ZNF462: variants seen among roughly 807,000 people sequenced by gnomAD.
ZNF462 encodes zinc finger PBX1-interacting protein.
ZNF462 carries 10 observed loss-of-function variants against 201.9 expected under a neutral mutation model. The ratio of observed to expected loss-of-function variants is 0.05; its 90% confidence interval spans 0.03 to 0.08. The LOEUF is 0.08. Among genes scored for constraint, ZNF462 ranks in the 10% least tolerant of loss-of-function variants. The pLI is 1.00. For missense variants in ZNF462, 2,523 were observed against 3,168.3 expected, an observed-to-expected ratio of 0.80 and a Z score of 4.89; for synonymous variants, 1,227 against 1,193.3, an observed-to-expected ratio of 1.03 and a Z score of -0.58.
chr9:106,947,297 A>G (rs1831153370), intron 7 of ZNF462, among the ~76,000 whole-genome samples: 1 of 152,198 alleles, frequency 6.6e-6, no homozygotes, highest in Non-Finnish European at 1.5e-5. Flanking sequence ...TAGGTTCTTC[A>G]GCTTCCATGG....
At chr9:107,000,317 G>A (rs1829091540) in intron 10 of ZNF462, among the ~76,000 whole-genome samples, 2 of 151,774 alleles carry the variant, frequency 1.3e-5, no homozygotes, top group East Asian at 3.9e-4. Context: ...AGCAGAGACT[G>A]ACATGAAGAG....
At chr9:106,899,193 GGAGAGAGAGA>G (rs143076514) in intron 1 of ZNF462, among the ~76,000 whole-genome samples, 7 of 134,914 alleles carry the variant, frequency 5.2e-5, no homozygotes, top group Non-Finnish European at 7.9e-5. Context: ...AGAGGGACAT[GGAGAGAGAGA>G]GAGAGAGAGA....
intron 10 of ZNF462, among the ~76,000 whole-genome samples, chr9:106,991,587 G>T (rs1248173811): frequency 6.6e-6 from 1 of 151,868 alleles, no homozygotes; most frequent in Admixed American, 6.6e-5. Context: ...GAATATCCTA[G>T]TGTGGAGAAA....
rs1456723564 is a variant in ZNF462 at position 106,902,495 on chromosome 9, T to G, written c.-30-20859T>G. ...TCTTGTGGAATAGTGTCAAAAGGAC[T>G]GGTACAAATTCTTTTTTGAATGTCT... On this transcript the variant is annotated intron_variant, in intron 1 of 12. Coordinates refer to ENST00000277225, the MANE Select transcript of ZNF462 (RefSeq NM_021224.6). The surrounding 1 kb of genome is among the most constrained non-coding windows in gnomAD (Gnocchi z 4.2). 1.3e-5 allele frequency among the ~76,000 whole-genome samples: 2 copies of G among 152,182 alleles called. No homozygotes were observed. Among genetic ancestry groups the G allele is most frequent in the African/African-American group, 2.4e-5 (1 of 41,456 alleles).
chr9:107,007,953 A>G (rs1011083745), intron 11 of ZNF462, among the ~76,000 whole-genome samples: 1 of 152,016 alleles, frequency 6.6e-6, no homozygotes, highest in African/African-American at 2.4e-5. Context: ...TTTATCAGAC[A>G]CCCTCAGTTT....
chr9:106,964,992 A>G (rs980187151), intron 7 of ZNF462, among the ~76,000 whole-genome samples: 1 of 152,214 alleles, frequency 6.6e-6, no homozygotes, highest in Non-Finnish European at 1.5e-5. Flanking sequence ...TGATCTAGCC[A>G]AGTTTGCTTA....
chr9:106,971,917 A>G (rs1826638079), intron 7 of ZNF462, 88 bp from the exon 8 acceptor site: 2 of 1,493,966 alleles, frequency 1.3e-6, no homozygotes, highest in Non-Finnish European at 1.8e-6. Flanking sequence ...GCTGGAGGGT[A>G]AAAAGAAACC....
intron 1 of ZNF462, among the ~76,000 whole-genome samples, chr9:106,891,630 A>G (rs928704542): frequency 1.3e-5 from 2 of 152,222 alleles, no homozygotes; most frequent in African/African-American, 4.8e-5. Flanking sequence ...TCTTTGAATT[A>G]TCATTAGTAC....
intron 1 of ZNF462, among the ~76,000 whole-genome samples, chr9:106,921,337 G>C (rs990633153): frequency 1.3e-5 from 2 of 152,224 alleles, no homozygotes; most frequent in Non-Finnish European, 2.9e-5. Context: ...GAAAGGTGCT[G>C]CTTTTCAGAG....
chr9:106,935,645 C>T lies in ZNF462; in HGVS notation c.6235+24C>T. The T allele has an allele frequency of 6.3e-7, 1 of 1,584,336 alleles. No individual in the cohort carries two copies. The highest frequency in any genetic ancestry group is 8.7e-7 in the Non-Finnish European group (1 of 1,153,246). ...TGGTGAGTTGTGCATTGATGATGCA[C>T]AAGTTCTTTAGCACTCTCTGAGTTT... On this transcript the variant is annotated intron_variant, in intron 6 of 12. Transcript: ENST00000277225. The surrounding 1 kb of genome is among the most constrained non-coding windows in gnomAD (Gnocchi z 4.1).
chr9:106,864,598 AC>A (rs1239436167), intron 1 of ZNF462, among the ~76,000 whole-genome samples: 3 of 151,714 alleles, frequency 2.0e-5, no homozygotes, highest in African/African-American at 7.3e-5. Context: ...TCCTGAAGGA[AC>A]CCTCGTTTTC....
intron 7 of ZNF462, among the ~76,000 whole-genome samples, chr9:106,947,423 A>T (rs1185458808): frequency 6.6e-6 from 1 of 152,196 alleles, no homozygotes; most frequent in Non-Finnish European, 1.5e-5. Flanking sequence ...CATCGAAGAG[A>T]TGCAGGACCT....
Position 106,917,558 on chromosome 9 carries a change from A to G in ZNF462, c.-30-5796A>G, listed in dbSNP as rs573178504. On this transcript the variant is annotated intron_variant, in intron 1 of 12. Transcript: ENST00000277225. This position sits in a 1 kb window ranked among gnomAD's most constrained non-coding sequence, Gnocchi z 4.5. The stretch of plus-strand genomic sequence containing the variant: ...GGGTTACATATGTGATTGCAAATTA[A>G]TCCTTTCTCTTCTGAAAATTTGGTT... 6.6e-6 allele frequency among the ~76,000 whole-genome samples: 1 copy of G among 152,158 alleles called. No homozygotes were observed. The highest frequency in any genetic ancestry group is 1.5e-5 in the Non-Finnish European group (1 of 68,020).
chr9:106,881,506 AAAG>A (rs1267474479), intron 1 of ZNF462, among the ~76,000 whole-genome samples: 3 of 152,360 alleles, frequency 2.0e-5, no homozygotes, highest in Non-Finnish European at 2.9e-5. Flanking sequence ...GAAATCATGA[AAAG>A]AAATCTCTGG....
Position 106,984,254 on chromosome 9 carries a change from C to T in ZNF462, c.6901C>T (p.Arg2301Cys), listed in dbSNP as rs745572397. Residue 2301 changes from arginine (R) to cysteine (C), a missense_variant, in exon 10 of 13, where the codon CGC becomes TGC. Physicochemically the swap from Arg to Cys is radical, Grantham distance 180. Around this residue, in one of 15 missense-constraint regions of ZNF462, gnomAD observed 228 missense variants for 361.2 expected, o/e 0.63. Transcript: ENST00000277225. This position sits in a 1 kb window ranked among gnomAD's most constrained non-coding sequence, Gnocchi z 6.4. ...CAAATACTTGCAGGGAGTAGTTTTC[C>T]GCTGTGATAAGTGTACCTTCACCTG... The part of the protein sequence containing the change: ...LSKYLQGVVF[R>C]CDKCTFTCSS... The T allele has an allele frequency of 3.1e-6, 5 of 1,613,990 alleles. No homozygotes were observed. Among genetic ancestry groups the T allele is most frequent in the Non-Finnish European group, 2.5e-6 (3 of 1,179,974 alleles).
intron 1 of ZNF462, among the ~76,000 whole-genome samples, chr9:106,869,998 C>T (rs1398256832): frequency 1.3e-5 from 2 of 152,104 alleles, no homozygotes; most frequent in Non-Finnish European, 2.9e-5. Context: ...TTTGGATTTA[C>T]ATTTTGTGCT....
intron 7 of ZNF462, among the ~76,000 whole-genome samples, chr9:106,958,282 C>T (rs1386793643): frequency 6.6e-6 from 1 of 152,086 alleles, no homozygotes; most frequent in Non-Finnish European, 1.5e-5. Flanking sequence ...ATCTCACCTG[C>T]TCCCTGCTTA....
intron 1 of ZNF462, among the ~76,000 whole-genome samples, chr9:106,877,192 G>A (rs1827869276): frequency 6.6e-6 from 1 of 151,608 alleles, no homozygotes; most frequent in Non-Finnish European, 1.5e-5. Flanking sequence ...GTGGTGGTGT[G>A]GTGGTGGTGG....
upstream of ZNF462, among the ~76,000 whole-genome samples, chr9:106,862,273 T>C (rs1827089538): frequency 1.3e-5 from 2 of 152,136 alleles, no homozygotes; most frequent in African/African-American, 4.8e-5. This position sits in a 1 kb window ranked among gnomAD's most constrained non-coding sequence, Gnocchi z 4.2. Flanking sequence ...TCCCCACGTA[T>C]GTTCTTTGCA....
Sources: gnomAD v4.1 joint callset for allele counts (sites outside exome capture counted in the v4.1 genomes callset) on GRCh38, gnomAD v4.1.1 for gene constraint, gnomAD v4.1.1 regional missense constraint, Gnocchi (gnomAD v3.1) non-coding constraint, MANE v1.5 for transcripts, NCBI Gene and HGNC (gene_info 2026-07-23, HGNC 2026-07-21) for gene names.